HDAC9: variants seen among roughly 807,000 people sequenced by gnomAD.
HDAC9 encodes the protein MEF-2 interacting transcription repressor (MITR) protein.
In HDAC9, 41 loss-of-function variants were observed where a neutral mutation model predicts 139.4. The observed-to-expected ratio is 0.29, with a 90% CI of 0.23 to 0.38. HDAC9 has a LOEUF of 0.38. Ranked by LOEUF, HDAC9 falls within the 10% of genes least tolerant of loss-of-function variation. The pLI, the probability that HDAC9 is intolerant of heterozygous loss-of-function variation, is 1.00. For missense variants in HDAC9, 1,147 were observed against 1,297.0 expected (o/e 0.88, Z 1.78); for synonymous variants, 517 against 476.2 (o/e 1.09, Z -1.12).
chr7:18,414,384 A>C (rs1352453607), intron 1 of HDAC9, among the ~76,000 whole-genome samples: 2 of 150,660 alleles, frequency 1.3e-5, no homozygotes, highest in East Asian at 1.9e-4. Flanking sequence ...CTCCTTACTC[A>C]TCCTTCCTTT....
At chr7:18,613,492 G>A (rs939053167) in intron 6 of HDAC9, among the ~76,000 whole-genome samples, 6 of 151,948 alleles carry the variant, frequency 3.9e-5, no homozygotes, top group Non-Finnish European at 7.4e-5. Context: ...TAATGTAAGC[G>A]TCTTCTAGAT....
intron 23 of HDAC9, among the ~76,000 whole-genome samples, chr7:18,937,320 G>C (rs1478801346): frequency 6.6e-6 from 1 of 152,096 alleles, no homozygotes; most frequent in Admixed American, 6.5e-5. Context: ...TTACAGGCCT[G>C]AACCACCGTG....
At chr7:18,686,983 A>G (rs1457643273) in intron 12 of HDAC9, among the ~76,000 whole-genome samples, 1 of 151,880 alleles carries the variant, frequency 6.6e-6, no homozygotes, top group African/African-American at 2.4e-5. Context: ...AATTATACAT[A>G]TATAAAATTA....
At chr7:18,126,781 C>T (rs896493489) in intron 1 of HDAC9, among the ~76,000 whole-genome samples, 1 of 152,138 alleles carries the variant, frequency 6.6e-6, no homozygotes, top group Non-Finnish European at 1.5e-5. Context: ...TTGCTCTAAA[C>T]ATTTTCCCCA....
At chr7:18,901,431 A>G (rs1225181248) in intron 22 of HDAC9, among the ~76,000 whole-genome samples, 1 of 152,068 alleles carries the variant, frequency 6.6e-6, no homozygotes, top group Non-Finnish European at 1.5e-5. Flanking sequence ...GCTAGGTTTG[A>G]TATTTCAACT....
At chr7:18,660,319 C>G (rs2129058735) in intron 11 of HDAC9, among the ~76,000 whole-genome samples, 1 of 152,198 alleles carries the variant, frequency 6.6e-6, no homozygotes, top group East Asian at 1.9e-4. Context: ...ACCGGATGTC[C>G]CATTTGTCTT....
intron 2 of HDAC9, among the ~76,000 whole-genome samples, chr7:18,169,750 G>T (rs1235712789): frequency 6.6e-6 from 1 of 152,026 alleles, no homozygotes; most frequent in Non-Finnish European, 1.5e-5. Flanking sequence ...TGAGAATGAT[G>T]GTTTCCAGCT....
chr7:18,446,686 G>GT (rs1275395248), intron 1 of HDAC9, among the ~76,000 whole-genome samples: 2 of 151,586 alleles, frequency 1.3e-5, no homozygotes, highest in Non-Finnish European at 2.9e-5. Context: ...AAATATACAC[G>GT]TTCTTTTGTG....
chr7:18,099,309 A>G (rs1032571732), intron 1 of HDAC9, among the ~76,000 whole-genome samples: 5 of 152,038 alleles, frequency 3.3e-5, no homozygotes, highest in Non-Finnish European at 7.4e-5. Flanking sequence ...AAAATACAAA[A>G]AAGAAAAAAT....
At chr7:18,691,955 C>G (rs534937933) in intron 12 of HDAC9, among the ~76,000 whole-genome samples, 33 of 152,142 alleles carry the variant, frequency 2.2e-4, no homozygotes, top group Non-Finnish European at 2.6e-4. Flanking sequence ...GCAGACCCTG[C>G]AGTGATCACA....
In HDAC9 at chr7:18,459,190, C is replaced by G. The variant is rs1384304844; in HGVS notation, c.-41-37072C>G. 2.6e-5 allele frequency among the ~76,000 whole-genome samples: 4 copies of G among 152,174 alleles called. No homozygotes were observed. In the South Asian group the frequency reaches 6.2e-4, roughly 24 times the overall value. The stretch of plus-strand genomic sequence containing the variant: ...CTCTACTCGTGTTATAATTTTTTAT[C>G]TTAGGCCCCTGCATTCCTTCCTCTC... On this transcript the variant is annotated intron_variant, in intron 1 of 3. Coordinates refer to the HDAC9 transcript ENST00000413509.
chr7:18,703,210 C>A lies in HDAC9; in HGVS notation c.1732-24370C>A, dbSNP rs771719338. ...ACGATTCTTATTTTTAATGTTTCTT[C>A]TATATAAAACAATACTTTGAATGTT... On this transcript the variant is annotated intron_variant, in intron 12 of 25. Transcript: ENST00000686413. 8.6e-5 allele frequency among the ~76,000 whole-genome samples: 13 copies of A among 151,986 alleles called. No homozygotes were observed. In the East Asian group the frequency reaches 2.5e-3, roughly 29 times the overall value.
rs763429295 is a variant in HDAC9, at chr7:18,666,384, G to C, written c.1639G>C (p.Ala547Pro). 1 of 1,613,132 alleles carries C rather than the reference G, an allele frequency of 6.2e-7. No homozygotes were observed. The highest frequency in any genetic ancestry group is 1.3e-5 in the African/African-American group (1 of 74,886). ...CVDDTLGQVG[A>P]VKVKEEPVDS... is the part of the protein sequence containing the mutation. ...GGATGACACACTGGGACAAGTTGGG[G>C]CTGTGAAGGTCAAGGAGGAACCAGT... Residue 547 changes from alanine to proline, a missense_variant, in exon 12 of 26, where the codon GCT becomes CCT. Ala to Pro is a conservative substitution (Grantham distance 27, BLOSUM62 -1). Around this residue, in one of 7 missense-constraint regions of HDAC9, gnomAD observed 256 missense variants for 219.2 expected, o/e 1.17. Coordinates refer to ENST00000686413, the MANE Select transcript of HDAC9 (RefSeq NM_178425.4).
intron 1 of HDAC9, among the ~76,000 whole-genome samples, chr7:18,317,431 T>C (rs1166597564): frequency 2.0e-5 from 3 of 152,210 alleles, no homozygotes; most frequent in Admixed American, 1.3e-4. Flanking sequence ...AATAAAATGC[T>C]GAAATTAAGT....
At chr7:18,733,917 A>G (rs1010806236) in intron 13 of HDAC9, among the ~76,000 whole-genome samples, 4 of 152,146 alleles carry the variant, frequency 2.6e-5, no homozygotes, top group African/African-American at 9.7e-5. Context: ...TTTTCTGGAG[A>G]TAAGACATAT....
intron 1 of HDAC9, chr7:18,429,050 T>G (rs77057259): frequency 0.028 from 4,317 of 152,330 alleles, 67 homozygotes; most frequent in African/African-American, 0.046. Flanking sequence ...ACCTCCAACC[T>G]ACGGCACCCT....
rs772762295 is a variant in HDAC9, at chr7:18,762,228, T to C, written c.2115T>C (p.Tyr705=). Residue 705 remains tyrosine, a synonymous_variant, in exon 15 of 26, where the codon TAT becomes TAC. Transcript: ENST00000686413. ...LVHSEHHSLL[Y]GTNPLDGQKL... ...ATTCTGAACATCACTCACTGTTGTA[T>C]GGCACCAACCCCCTGGACGGACAGA... is the stretch of plus-strand genomic sequence containing the variant. 1 of 1,613,698 alleles carries C rather than the reference T, an allele frequency of 6.2e-7. No homozygotes were observed. Among genetic ancestry groups the C allele is most frequent in the Admixed American group, 1.7e-5 (1 of 59,990 alleles).
At position 18,598,163 on chromosome 7, in the gene HDAC9, G is replaced by A. The variant is rs564184801; in HGVS notation, c.664+4134G>A. Reference sequence around the variant, plus strand: ...TCTCTCCCTCTTTCTGTGTCTTTCAGAATACACTTGTGCATGTGTGAATTG... The same window carrying A: ...TCTCTCCCTCTTTCTGTGTCTTTCAAAATACACTTGTGCATGTGTGAATTG... On this transcript the variant is annotated intron_variant, in intron 6 of 25. Coordinates refer to ENST00000686413, the MANE Select transcript of HDAC9 (RefSeq NM_178425.4). Among the ~76,000 whole-genome samples the A allele has an allele frequency of 9.9e-5, 15 of 152,160 alleles. No homozygotes were observed. The South Asian group carries it at 3.1e-3, about 32-fold the overall frequency.
At chr7:18,681,357 TTTAAAG>T (rs1476157531) in intron 12 of HDAC9, among the ~76,000 whole-genome samples, 4 of 152,062 alleles carry the variant, frequency 2.6e-5, no homozygotes, top group African/African-American at 4.8e-5. Flanking sequence ...TAGCCTTTCT[TTTAAAG>T]TTAAAGTACT....
Sources: allele counts gnomAD v4.1 joint callset (sites outside exome capture counted in the v4.1 genomes callset), GRCh38; gene constraint gnomAD v4.1.1; regional missense constraint gnomAD v4.1.1; transcripts MANE v1.5; gene names NCBI Gene and HGNC (gene_info 2026-07-23, HGNC 2026-07-21).